KLHL13: variants seen among roughly 807,000 people sequenced by gnomAD.
The protein encoded by KLHL13 is kelch-like protein 13.
A neutral mutation model predicts 37.1 loss-of-function variants in KLHL13; 10 were observed. The ratio of observed to expected loss-of-function variants is 0.27; its 90% CI spans 0.17 to 0.46. The LOEUF is 0.46. Ranked by LOEUF, KLHL13 falls within the 20% of genes least tolerant of loss-of-function variation. The pLI is 1.00. For synonymous variants in KLHL13, 163 were observed against 181.2 expected, an observed-to-expected ratio of 0.90 and a Z score of 0.81; for missense variants, 360 against 509.3, an observed-to-expected ratio of 0.71 and a Z score of 2.82.
intron 1 of KLHL13, among the ~76,000 whole-genome samples, chrX:118,023,346 C>A (rs758138470): frequency 9.0e-6 from 1 of 110,778 alleles, no homozygotes; most frequent in East Asian, 2.8e-4. Context: ...GTGCAAGTTT[C>A]TGTCACTAAT....
At chrX:117,938,184 C>A (rs1179585452) in intron 2 of KLHL13, among the ~76,000 whole-genome samples, 1 of 111,439 alleles carries the variant, frequency 9.0e-6, no homozygotes, top group Non-Finnish European at 1.9e-5. Context: ...TCTTTCCATT[C>A]AATATGTACA....
chrX:118,108,094 T>C lies in KLHL13; in HGVS notation c.-56+8414A>G, dbSNP rs750795218. On this transcript the variant is annotated intron_variant, in intron 1 of 6. Transcript: ENST00000371882. ...ACATCCAAGAGTGGAACAGAAAACT[T>C]TGTTGAAATGAAGTGATCTTTAGAA... Among the ~76,000 whole-genome samples, 3 of 111,632 alleles carry C rather than the reference T, an allele frequency of 2.7e-5. No individual in the cohort carries two copies. The East Asian group carries it at 8.4e-4, about 31-fold the overall frequency.
chrX:118,037,608 G>T (rs112752208), intron 1 of KLHL13, among the ~76,000 whole-genome samples: 2,997 of 109,506 alleles, frequency 0.027, 107 homozygotes, highest in African/African-American at 0.094. Context: ...GTGGGGGAAG[G>T]GGGGAGGGAT....
intron 1 of KLHL13, among the ~76,000 whole-genome samples, chrX:118,091,993 T>G (rs940837996): frequency 3.6e-5 from 4 of 112,013 alleles, no homozygotes; most frequent in African/African-American, 1.3e-4. Flanking sequence ...CTCACTCATA[T>G]GCGGGAGCTA....
chrX:118,048,641 C>A (rs775831413), intron 1 of KLHL13, among the ~76,000 whole-genome samples: 22 of 111,766 alleles, frequency 2.0e-4, no homozygotes, highest in Non-Finnish European at 3.8e-4. Context: ...GAAGTCGGGA[C>A]TATGTAGATG....
chrX:117,908,802 G>C (rs993363091), intron 5 of KLHL13, among the ~76,000 whole-genome samples: 2 of 111,884 alleles, frequency 1.8e-5, no homozygotes, highest in South Asian at 7.4e-4. Flanking sequence ...ACAAACTTTG[G>C]ATAATGTTGA....
At chrX:118,017,663 T>G (rs1039828484) in intron 1 of KLHL13, among the ~76,000 whole-genome samples, 4 of 111,522 alleles carry the variant, frequency 3.6e-5, no homozygotes, top group African/African-American at 1.3e-4. Flanking sequence ...ATATGTCCTT[T>G]CAACAGCACT....
chrX:117,919,594 T>A, exon 4 of KLHL13: 1 of 1,209,898 alleles, frequency 8.3e-7, no homozygotes, highest in Non-Finnish European at 1.1e-6. Flanking sequence ...TTCCAGCGTG[T>A]CTTGAAGGTT....
Position 118,110,501 on chromosome X carries a change from C to T in KLHL13, c.-56+6007G>A, listed in dbSNP as rs374430602. Among the ~76,000 whole-genome samples, 93 of 108,481 alleles carry T rather than the reference C, an allele frequency of 8.6e-4. 2 individuals carry two copies. The East Asian group carries it at 0.018, about 21-fold the overall frequency. The allele number at this position is 108,481 out of a possible 115,157, so 94.2% of individuals were successfully genotyped here. A position where few individuals can be genotyped will look rare whatever the true frequency, so the allele number is the denominator to read the frequency against. On this transcript the variant is annotated intron_variant, in intron 1 of 6. Coordinates refer to the KLHL13 transcript ENST00000371882. Reference sequence around the variant, plus strand: ...TCAAGCGATTCTCCTGCCTCAGCCTCCCAAGTAGCTGGGATTACAGGCACA... The same window carrying T: ...TCAAGCGATTCTCCTGCCTCAGCCTTCCAAGTAGCTGGGATTACAGGCACA...
At chrX:118,033,494 T>C (rs1418129439) in intron 1 of KLHL13, among the ~76,000 whole-genome samples, 1 of 110,074 alleles carries the variant, frequency 9.1e-6, no homozygotes, top group Non-Finnish European at 1.9e-5. Flanking sequence ...CAAACTAAGC[T>C]TCATAAGTGA....
chrX:117,939,444 G>A (rs182278609), intron 2 of KLHL13, among the ~76,000 whole-genome samples: 360 of 112,164 alleles, frequency 3.2e-3, no homozygotes, highest in Non-Finnish European at 5.8e-3. Flanking sequence ...TAAATCCTTT[G>A]GGTATATGCC....
intron 1 of KLHL13, among the ~76,000 whole-genome samples, chrX:118,067,130 A>G (rs1418229999): frequency 8.9e-6 from 1 of 112,264 alleles, no homozygotes; most frequent in African/African-American, 3.2e-5. Context: ...TATACGGTAT[A>G]GCCTATTGTT....
chrX:118,000,304 T>C (rs751226458), intron 1 of KLHL13, among the ~76,000 whole-genome samples: 1 of 112,020 alleles, frequency 8.9e-6, no homozygotes, highest in South Asian at 3.8e-4. Context: ...GCTGCAACCT[T>C]CTCTCCTGCC....
At chrX:118,059,408 C>G (rs1309827582) in intron 1 of KLHL13, among the ~76,000 whole-genome samples, 1 of 111,530 alleles carries the variant, frequency 9.0e-6, no homozygotes, top group Non-Finnish European at 1.9e-5. Flanking sequence ...GTTTCCACTA[C>G]AAATATAGCA....
At chrX:117,969,591 T>C (rs1402271233) in intron 1 of KLHL13, among the ~76,000 whole-genome samples, 1 of 111,237 alleles carries the variant, frequency 9.0e-6, no homozygotes, top group Non-Finnish European at 1.9e-5. Flanking sequence ...GCACTCTATT[T>C]CTATCAAGAC....
intron 1 of KLHL13, among the ~76,000 whole-genome samples, chrX:118,071,048 T>C (rs1426664176): frequency 9.0e-6 from 1 of 110,985 alleles, no homozygotes; most frequent in African/African-American, 3.3e-5. Context: ...AGAATGATGA[T>C]TTCCAACTTC....
intron 1 of KLHL13, among the ~76,000 whole-genome samples, chrX:117,987,156 G>A (rs1251058714): frequency 8.9e-6 from 1 of 111,752 alleles, no homozygotes; most frequent in African/African-American, 3.2e-5. Flanking sequence ...AAGGGATACC[G>A]ACAGAAGAGC....
At chrX:117,943,790 G>A (rs1193707623) in intron 2 of KLHL13, among the ~76,000 whole-genome samples, 1 of 109,361 alleles carries the variant, frequency 9.1e-6, no homozygotes, top group Non-Finnish European at 1.9e-5. Context: ...TTAGCTCGGA[G>A]GAGTTTGCTG....
intron 1 of KLHL13, among the ~76,000 whole-genome samples, chrX:118,027,058 G>T (rs143404950): frequency 1.8e-5 from 2 of 111,731 alleles, no homozygotes; most frequent in African/African-American, 3.2e-5. Flanking sequence ...ACAAGCAAAA[G>T]TCACAACAAC....
Sources: allele counts gnomAD v4.1 joint callset (sites outside exome capture counted in the v4.1 genomes callset), GRCh38; gene constraint gnomAD v4.1.1; transcripts MANE v1.5; gene names NCBI Gene and HGNC (gene_info 2026-07-23, HGNC 2026-07-21).